The following CTNNA2 variants were observed in gnomAD, a reference collection of about 807,000 sequenced individuals.
CTNNA2 encodes the protein catenin alpha 2.
CTNNA2 carries 42 observed loss-of-function variants against 101.0 expected under a neutral mutation model. The observed-to-expected ratio is 0.42, with a 90% CI of 0.32 to 0.54. CTNNA2 has a LOEUF of 0.54. Among genes scored for constraint, CTNNA2 ranks in the 20% least tolerant of loss-of-function variants. The pLI, the probability that CTNNA2 is intolerant of heterozygous loss-of-function variation, is 0.14. For synonymous variants in CTNNA2, 450 were observed against 456.4 expected (o/e 0.99, Z 0.18); for missense variants, 871 against 1,223.1 (o/e 0.71, Z 4.29).
At position 80,028,240 on chromosome 2, in the gene CTNNA2, C is replaced by T. The variant is rs376943460; in HGVS notation, c.1056+118443C>T. 7.2e-5 allele frequency: 11 copies of T among 152,238 alleles called. No individual in the cohort carries two copies. The East Asian group carries it at 1.7e-3, about 24-fold the overall frequency. The allele number at this position is 152,238 out of a possible 1,614,324, so 9.4% of individuals were successfully genotyped here. On this transcript the variant is annotated intron_variant, in intron 7 of 18. Transcript: ENST00000402739. ...GGAAGTTAGTCTTTTTTTCCTCCCT[C>T]TTCCATATGACTTGTTGCCAAGTTG...
chr2:80,368,464 G>A (rs908938127), intron 7 of CTNNA2, among the ~76,000 whole-genome samples: 2 of 151,914 alleles, frequency 1.3e-5, no homozygotes, highest in Non-Finnish European at 2.9e-5. Flanking sequence ...TGCTAAATTT[G>A]GAGAATTGAA....
intron 11 of CTNNA2, among the ~76,000 whole-genome samples, chr2:80,547,089 G>C (rs925224664): frequency 6.6e-6 from 1 of 152,156 alleles, no homozygotes; most frequent in African/African-American, 2.4e-5. Context: ...TTTCTGAGGG[G>C]GGCTGTCATG....
intron 1 of CTNNA2, among the ~76,000 whole-genome samples, chr2:79,543,604 AC>A (rs1573300990): frequency 6.6e-6 from 1 of 152,156 alleles, no homozygotes; most frequent in East Asian, 1.9e-4. Context: ...ACCCAATTGG[AC>A]CTTGTTTAAT....
At chr2:79,280,674 A>T (rs1222039232) in intron 2 of CTNNA2, among the ~76,000 whole-genome samples, 1 of 54,786 alleles carries the variant, frequency 1.8e-5, no homozygotes, top group African/African-American at 7.5e-5. Context: ...AGAGAGAGAG[A>T]GAGAGAGAGA....
At chr2:80,246,206 C>T (rs1217444464) in intron 7 of CTNNA2, among the ~76,000 whole-genome samples, 30 of 152,160 alleles carry the variant, frequency 2.0e-4, no homozygotes. Flanking sequence ...GCATCAAATG[C>T]TTGCTGATTT....
At chr2:79,485,900 C>T (rs886496881) in intron 4 of CTNNA2, among the ~76,000 whole-genome samples, 16 of 152,042 alleles carry the variant, frequency 1.1e-4, no homozygotes, top group African/African-American at 3.6e-4. Flanking sequence ...TGCAAATTTT[C>T]TGTTTCCTTG....
intron 3 of CTNNA2, among the ~76,000 whole-genome samples, chr2:79,326,300 C>CAAA (rs72151080): frequency 3.4e-5 from 4 of 118,928 alleles, no homozygotes; most frequent in Non-Finnish European, 5.5e-5. Context: ...AACAAACAAG[C>CAAA]AAAAAAAAAA....
intron 9 of CTNNA2, among the ~76,000 whole-genome samples, chr2:80,524,292 C>T (rs1343651920): frequency 6.6e-6 from 1 of 152,084 alleles, no homozygotes; most frequent in African/African-American, 2.4e-5. Flanking sequence ...TCTTGTATAT[C>T]CTCCTCCACA....
intron 1 of CTNNA2, among the ~76,000 whole-genome samples, chr2:79,627,853 G>A (rs11900109): frequency 0.023 from 3,556 of 152,222 alleles, 154 homozygotes; most frequent in African/African-American, 0.081. Context: ...GATATTTGAT[G>A]CCTTAAAAGT....
chr2:79,884,522 T>C (rs1001101357), intron 6 of CTNNA2, among the ~76,000 whole-genome samples: 1 of 152,142 alleles, frequency 6.6e-6, no homozygotes, highest in Non-Finnish European at 1.5e-5. Flanking sequence ...GAGCACATTA[T>C]TATACTGACC....
At chr2:79,844,976 A>G (rs1431221281) in intron 3 of CTNNA2, among the ~76,000 whole-genome samples, 2 of 124,676 alleles carry the variant, frequency 1.6e-5, no homozygotes, top group African/African-American at 6.5e-5. Context: ...AATGAAAACA[A>G]ACTACACACA....
chr2:79,960,672 AT>A (rs905462763), intron 7 of CTNNA2, among the ~76,000 whole-genome samples: 6 of 151,784 alleles, frequency 4.0e-5, no homozygotes, highest in African/African-American at 9.7e-5. Flanking sequence ...CATTACATTG[AT>A]TTTTTTTTCT....
At chr2:79,910,258 T>G (rs1343426612) in intron 7 of CTNNA2, among the ~76,000 whole-genome samples, 1 of 152,186 alleles carries the variant, frequency 6.6e-6, no homozygotes, top group Non-Finnish European at 1.5e-5. Context: ...ATAGGGTTGT[T>G]TAAGGAAAAG....
intron 4 of CTNNA2, among the ~76,000 whole-genome samples, chr2:79,470,220 C>A (rs1309365524): frequency 6.6e-6 from 1 of 152,128 alleles, no homozygotes; most frequent in African/African-American, 2.4e-5. Flanking sequence ...TGATACAACA[C>A]CAAAAGCTTT....
At chr2:79,814,599 A>ATG (rs1352847114) in intron 3 of CTNNA2, among the ~76,000 whole-genome samples, 108 of 140,416 alleles carry the variant, frequency 7.7e-4, no homozygotes, top group African/African-American at 2.9e-3. Context: ...TCCATTATAT[A>ATG]TGTGTGTATA....
chr2:79,927,709 C>T lies in CTNNA2; in HGVS notation c.1056+17912C>T, dbSNP rs189026467. Among the ~76,000 whole-genome samples the T allele has an allele frequency of 5.3e-5, 8 of 152,246 alleles. No individual in the cohort carries two copies. In the East Asian group the frequency reaches 1.5e-3, roughly 29 times the overall value. On this transcript the variant is annotated intron_variant, in intron 7 of 18. Coordinates refer to ENST00000402739, the MANE Select transcript of CTNNA2 (RefSeq NM_001282597.3). Reference sequence around the variant, plus strand: ...AATCTGTCATATATTAGGTTTTGATCATATAATGTTACTCTGTAAATATTT... The same window carrying T: ...AATCTGTCATATATTAGGTTTTGATTATATAATGTTACTCTGTAAATATTT...
At chr2:80,337,247 C>G (rs1671831704) in intron 7 of CTNNA2, among the ~76,000 whole-genome samples, 1 of 152,064 alleles carries the variant, frequency 6.6e-6, no homozygotes, top group Non-Finnish European at 1.5e-5. Flanking sequence ...CCCGGCTACT[C>G]TGGAGGCTGA....
At chr2:79,875,887 CAT>C (rs1366988748) in intron 6 of CTNNA2, among the ~76,000 whole-genome samples, 3 of 151,884 alleles carry the variant, frequency 2.0e-5, no homozygotes, top group Non-Finnish European at 2.9e-5. Flanking sequence ...CTTTATATAA[CAT>C]AAATATACAA....
At chr2:79,997,637 C>T (rs899799669) in intron 7 of CTNNA2, among the ~76,000 whole-genome samples, 1 of 152,150 alleles carries the variant, frequency 6.6e-6, no homozygotes, top group Non-Finnish European at 1.5e-5. Flanking sequence ...GCGTATACAA[C>T]TCTTTCATCC....
Sources: gnomAD v4.1 joint callset for allele counts (sites outside exome capture counted in the v4.1 genomes callset) on GRCh38, gnomAD v4.1.1 for gene constraint, MANE v1.5 for transcripts, NCBI Gene and HGNC (gene_info 2026-07-23, HGNC 2026-07-21) for gene names.